The following IL6R variants were observed in gnomAD, a reference collection of about 807,000 sequenced individuals.
IL6R encodes the protein interleukin-6 receptor subunit alpha.
IL6R carries 38 observed loss-of-function variants against 48.3 expected under a neutral mutation model. That is an observed-to-expected ratio of 0.79 (90% CI 0.61 to 1.03). The LOEUF is 1.03. Ranked by LOEUF, IL6R falls within the 50% of genes least tolerant of loss-of-function variation. The pLI, the probability that IL6R is intolerant of heterozygous loss-of-function variation, is 0.00. For synonymous variants in IL6R, 264 were observed against 256.2 expected, an observed-to-expected ratio of 1.03 and a Z score of -0.29; for missense variants, 534 against 618.3, an observed-to-expected ratio of 0.86 and a Z score of 1.45.
intron 1 of IL6R, among the ~76,000 whole-genome samples, chr1:154,412,157 C>G (rs948507541): frequency 6.6e-6 from 1 of 151,874 alleles, no homozygotes; most frequent in African/African-American, 2.4e-5. Context: ...CTGTGTCAGC[C>G]AGGAGAGTCT....
chr1:154,434,657 G>T lies in IL6R; in HGVS notation c.597G>T (p.Gly199=). Reference sequence around the variant, plus strand: ...CCATGTGCGTCGCCAGTAGTGTCGGGAGCAAGTTCAGCAAAACTCAAACCT... The same window carrying T: ...CCATGTGCGTCGCCAGTAGTGTCGGTAGCAAGTTCAGCAAAACTCAAACCT... ...IVSMCVASSV[G]SKFSKTQTFQ... The change falls in exon 4 of 10, where the codon GGG becomes GGT. Residue 199 remains glycine (G), a synonymous_variant. Transcript: ENST00000368485. 6.2e-7 allele frequency: 1 copy of T among 1,614,170 alleles called. No individual in the cohort carries two copies. Among genetic ancestry groups the T allele is most frequent in the Non-Finnish European group, 8.5e-7 (1 of 1,180,042 alleles).
At chr1:154,433,794 C>T (rs977132973) in intron 3 of IL6R, among the ~76,000 whole-genome samples, 2 of 151,742 alleles carry the variant, frequency 1.3e-5, no homozygotes, top group Non-Finnish European at 2.9e-5. Flanking sequence ...TCTGTCACTG[C>T]AACATCTGCC....
intron 3 of IL6R, among the ~76,000 whole-genome samples, chr1:154,434,267 C>T (rs551402289): frequency 1.5e-4 from 23 of 152,102 alleles, no homozygotes; most frequent in South Asian, 1.5e-3. Flanking sequence ...GCCGAGACTG[C>T]GCCACTGCAC....
At chr1:154,432,894 G>C (rs371662143) in intron 3 of IL6R, among the ~76,000 whole-genome samples, 28 of 152,302 alleles carry the variant, frequency 1.8e-4, no homozygotes, top group African/African-American at 6.0e-4. Context: ...ACAGGCCCCT[G>C]GAAAGGGATT....
At chr1:154,446,721 C>G (rs1212017347) in intron 6 of IL6R, among the ~76,000 whole-genome samples, 1 of 152,126 alleles carries the variant, frequency 6.6e-6, no homozygotes, top group Non-Finnish European at 1.5e-5. Flanking sequence ...TAAACCCATA[C>G]AGGCAAATGA....
chr1:154,443,873 T>A (rs1479286132), intron 6 of IL6R, among the ~76,000 whole-genome samples: 2 of 152,172 alleles, frequency 1.3e-5, no homozygotes, highest in African/African-American at 4.8e-5. Flanking sequence ...GTGCTCCGCA[T>A]GACCCAAACC....
chr1:154,442,940 A>T (rs530708763), intron 6 of IL6R, among the ~76,000 whole-genome samples: 5 of 152,060 alleles, frequency 3.3e-5, no homozygotes, highest in African/African-American at 1.2e-4. Context: ...CTAATTTTTT[A>T]AAAAATATTT....
intron 9 of IL6R, among the ~76,000 whole-genome samples, chr1:154,457,991 G>T (rs1181367510): frequency 1.4e-5 from 2 of 140,098 alleles, no homozygotes; most frequent in Non-Finnish European, 3.0e-5. Flanking sequence ...TTTTGAGACG[G>T]AGTCTCGCTT....
chr1:154,459,041 C>A (rs898500344), intron 9 of IL6R, among the ~76,000 whole-genome samples: 1 of 152,100 alleles, frequency 6.6e-6, no homozygotes, highest in African/African-American at 2.4e-5. Context: ...AATGACTTGC[C>A]CAAGGACAAG....
intron 9 of IL6R, among the ~76,000 whole-genome samples, chr1:154,459,617 G>C (rs1052986488): frequency 3.3e-5 from 5 of 152,008 alleles, no homozygotes; most frequent in African/African-American, 9.7e-5. Flanking sequence ...CAATATCAGT[G>C]ATTTTTTTCT....
rs776495733 is a variant in IL6R at position 154,465,263 on chromosome 1, ACCGGTGTCCC to A, written c.1293_1302del (p.Val432AlafsTer97). ...CAGTGCTTGTTCCTCTCATCTCCCCACCGGTGTCCCCCAGCAGCCTGGGGTCTGACAATAC... is the reference window on the plus strand; with the variant it reads ...CAGTGCTTGTTCCTCTCATCTCCCCACCAGCAGCCTGGGGTCTGACAATAC... On this transcript the variant is annotated frameshift_variant, in exon 10 of 10. Coordinates refer to ENST00000368485, the MANE Select transcript of IL6R (RefSeq NM_000565.4). LOFTEE classifies it high-confidence loss of function. The A allele has an allele frequency of 1.2e-6, 2 of 1,613,918 alleles. No individual in the cohort carries two copies. Among genetic ancestry groups the A allele is most frequent in the South Asian group, 1.1e-5 (1 of 91,058 alleles).
intron 1 of IL6R, among the ~76,000 whole-genome samples, chr1:154,407,018 G>A (rs1044380949): frequency 8.5e-5 from 13 of 152,150 alleles, no homozygotes; most frequent in Non-Finnish European, 1.3e-4. Context: ...AACCCCTCCC[G>A]TGGCTCTGTG....
chr1:154,420,298 C>T (rs183017855), intron 1 of IL6R, among the ~76,000 whole-genome samples: 165 of 152,010 alleles, frequency 1.1e-3, no homozygotes, highest in African/African-American at 1.3e-3. Context: ...GATGCTAGAC[C>T]GCAGGAGTGG....
At chr1:154,415,745 G>A (rs1298434581) in intron 1 of IL6R, among the ~76,000 whole-genome samples, 1 of 152,156 alleles carries the variant, frequency 6.6e-6, no homozygotes, top group Non-Finnish European at 1.5e-5. Context: ...TTGGGAGGCC[G>A]AGGCAGGTGG....
At chr1:154,419,753 A>G (rs1011157945) in intron 1 of IL6R, among the ~76,000 whole-genome samples, 2 of 152,232 alleles carry the variant, frequency 1.3e-5, no homozygotes, top group African/African-American at 4.8e-5. Flanking sequence ...AGCTGCGGCA[A>G]GCTGCAAGAG....
At position 154,466,722 on chromosome 1, in the gene IL6R, C is replaced by T; in HGVS notation, c.*1342C>T. On this transcript the variant is annotated 3_prime_UTR_variant, in exon 10 of 10. Coordinates refer to ENST00000368485, the MANE Select transcript of IL6R (RefSeq NM_000565.4). ...AATTAGCCAAGTGTGGTAGAGTGTGCCTGAAGTCCCAGATACTTGGGGGGC... is the reference window on the plus strand; with the variant it reads ...AATTAGCCAAGTGTGGTAGAGTGTGTCTGAAGTCCCAGATACTTGGGGGGC... 1 of 163,546 alleles carries T rather than the reference C, an allele frequency of 6.1e-6. No homozygotes were observed. Among genetic ancestry groups the T allele is most frequent in the East Asian group, 1.6e-4 (1 of 6,174 alleles). The allele number at this position is 163,546 out of a possible 1,614,324, so 10.1% of individuals were successfully genotyped here.
intron 1 of IL6R, among the ~76,000 whole-genome samples, chr1:154,422,924 G>C (rs1688758018): frequency 6.6e-6 from 1 of 152,074 alleles, no homozygotes; most frequent in Non-Finnish European, 1.5e-5. Context: ...ACTTAGGGAG[G>C]GCCCCAGCAG....
In IL6R at chr1:154,405,799, G is replaced by T. The variant is rs1262814213; in HGVS notation, c.85+85G>T. 1 of 1,038,402 alleles carries T rather than the reference G, an allele frequency of 9.6e-7. No homozygotes were observed. Among genetic ancestry groups the T allele is most frequent in the African/African-American group, 1.7e-5 (1 of 58,690 alleles). 64.3% of individuals were successfully genotyped at this position (1,038,402 alleles called of 1,614,324 possible). ...TGGTCACCGCAGTCTGTGGGAGGCT[G>T]GAGGGAGGAAAGGAGGTGCGACGGA... On this transcript the variant is annotated intron_variant, in intron 1 of 9. Coordinates refer to ENST00000368485, the MANE Select transcript of IL6R (RefSeq NM_000565.4). The surrounding 1 kb of genome is among the most constrained non-coding windows in gnomAD (Gnocchi z 5.2).
intron 1 of IL6R, among the ~76,000 whole-genome samples, chr1:154,414,143 C>T (rs971380573): frequency 6.6e-6 from 1 of 152,132 alleles, no homozygotes; most frequent in Non-Finnish European, 1.5e-5. Context: ...AGGTGTGAGC[C>T]ACTGCGCCTG....
Sources: allele counts gnomAD v4.1 joint callset (sites outside exome capture counted in the v4.1 genomes callset), GRCh38; gene constraint gnomAD v4.1.1; non-coding constraint Gnocchi (gnomAD v3.1); transcripts MANE v1.5; gene names NCBI Gene and HGNC (gene_info 2026-07-23, HGNC 2026-07-21).